The following EXOSC5 variants were observed in gnomAD, a reference collection of about 807,000 sequenced individuals.
EXOSC5 encodes the protein exosome complex component RRP46.
Under a neutral mutation model 23.7 loss-of-function variants are expected in EXOSC5, and 15 were observed. The observed-to-expected ratio is 0.63, with a 90% confidence interval of 0.42 to 0.97. The LOEUF is 0.97. EXOSC5 is among the 50% of genes least tolerant of loss of function. The pLI, the probability that EXOSC5 is intolerant of heterozygous loss-of-function variation, is 0.00. For missense variants in EXOSC5, 305 were observed against 316.3 expected (o/e 0.96, Z 0.27); for synonymous variants, 143 against 140.9 (o/e 1.02, Z -0.11).
At chr19:41,391,148 C>T (rs1266250203) in intron 3 of EXOSC5, among the ~76,000 whole-genome samples, 1 of 152,064 alleles carries the variant, frequency 6.6e-6, no homozygotes, top group African/African-American at 2.4e-5. Flanking sequence ...ACTGATCACT[C>T]GAGGTCAGGA....
At chr19:41,390,934 G>A (rs1450333672) in intron 3 of EXOSC5, among the ~76,000 whole-genome samples, 1 of 152,172 alleles carries the variant, frequency 6.6e-6, no homozygotes, top group Non-Finnish European at 1.5e-5. Flanking sequence ...CTTCTACAGT[G>A]TCTAATTCTA....
rs775976721 is a variant in EXOSC5, at chr19:41,393,007, C to G, written c.149-27G>C. On this transcript the variant is annotated intron_variant, in intron 1 of 5. Transcript: ENST00000221233. ...TGAGGAGACAGCAGGGAGGGCCTCA[C>G]TCACAGCTTCCCTGCTCCTGGGGCC... 1.7e-5 allele frequency: 27 copies of G among 1,601,906 alleles called. No individual in the cohort carries two copies. The Admixed American group carries it at 2.3e-4, about 14-fold the overall frequency.
At chr19:41,397,124 G>C in intron 1 of EXOSC5, 57 bp downstream of exon 1, 1 of 1,560,236 alleles carries the variant, frequency 6.4e-7, no homozygotes, top group South Asian at 1.2e-5. Context: ...GTGGGCACTC[G>C]GTTGCACAGT....
At chr19:41,387,185 T>C (rs546359081) in intron 5 of EXOSC5, among the ~76,000 whole-genome samples, 8 of 152,316 alleles carry the variant, frequency 5.3e-5, no homozygotes, top group South Asian at 2.1e-4. Flanking sequence ...CAGACAGTCA[T>C]GTCCAAGAGT....
At chr19:41,392,769 A>G in intron 2 of EXOSC5, 98 bp downstream of exon 2, 1 of 977,706 alleles carries the variant, frequency 1.0e-6, no homozygotes, top group South Asian at 1.4e-5. Flanking sequence ...TGGAGACCCA[A>G]GCGGGGAGTG....
chr19:41,391,668 G>C (rs2039023239), intron 3 of EXOSC5, 173 bp downstream of exon 3: 1 of 783,968 alleles, frequency 1.3e-6, no homozygotes, highest in Non-Finnish European at 1.9e-6. Context: ...AAGGCACACA[G>C]AACAGTGCCT....
chr19:41,395,048 A>G (rs10853750), intron 1 of EXOSC5, among the ~76,000 whole-genome samples: 67 of 21,834 alleles, frequency 3.1e-3, no homozygotes, highest in African/African-American at 4.3e-3. Flanking sequence ...AAAAAAAAAG[A>G]AAAAAAAAAA....
chr19:41,388,048 C>T (rs755077976), intron 4 of EXOSC5, among the ~76,000 whole-genome samples: 8 of 152,210 alleles, frequency 5.3e-5, no homozygotes, highest in Admixed American at 1.3e-4. Context: ...CATAGCCAGG[C>T]GCTCACCTAT....
chr19:41,386,756 G>A, intron 5 of EXOSC5, 31 bp from the exon 6 acceptor site: 1 of 1,545,684 alleles, frequency 6.5e-7, no homozygotes. Flanking sequence ...GGTGCTGGGG[G>A]CCGAGCCCTT....
intron 3 of EXOSC5, 42 bp from the exon 4 acceptor site, chr19:41,389,947 T>TG: frequency 6.5e-7 from 1 of 1,545,278 alleles, no homozygotes; most frequent in Non-Finnish European, 8.7e-7. Context: ...TTTTTTTTTT[T>TG]TGGAGATGGA....
rs917101351 is a variant in EXOSC5 at position 41,389,818 on chromosome 19, C to T, written c.472G>A (p.Ala158Thr). ...MRALFCGVAC[A>T]LDSDGTLVLD... ...ACGAGGGTCCCATCAGAGTCCAGGG[C>T]GCAGGCGACCCCACAGAAGAGAGCC... The change falls in exon 4 of 6, where the codon GCC becomes ACC. Residue 158 changes from alanine to threonine, a missense_variant. Ala to Thr is a moderately conservative substitution (Grantham distance 58). Transcript: ENST00000221233. 4 of 1,614,140 alleles carry T rather than the reference C, an allele frequency of 2.5e-6. No individual in the cohort carries two copies. The highest frequency in any genetic ancestry group is 2.2e-5 in the East Asian group (1 of 44,864).
At chr19:41,388,682 A>C (rs560505720) in intron 4 of EXOSC5, among the ~76,000 whole-genome samples, 3 of 152,174 alleles carry the variant, frequency 2.0e-5, no homozygotes, top group South Asian at 4.1e-4. Flanking sequence ...AAACCCTCCA[A>C]GTGGTTTCCG....
At chr19:41,389,682 G>A in intron 4 of EXOSC5, 83 bp downstream of exon 4, 1 of 1,536,168 alleles carries the variant, frequency 6.5e-7, no homozygotes, top group Non-Finnish European at 8.8e-7. Context: ...TGAGCCGACT[G>A]TCTGTAGAGA....
intron 1 of EXOSC5, among the ~76,000 whole-genome samples, chr19:41,396,135 A>G (rs1286335347): frequency 1.3e-5 from 2 of 152,006 alleles, no homozygotes; most frequent in African/African-American, 2.4e-5. Flanking sequence ...TCATACCTGT[A>G]TGAGCACTTT....
intron 4 of EXOSC5, 146 bp downstream of exon 4, chr19:41,389,619 T>G: frequency 8.0e-7 from 1 of 1,242,526 alleles, no homozygotes. Flanking sequence ...CACTTGCTGC[T>G]AAATGAACCA....
chr19:41,387,428 C>T, intron 5 of EXOSC5, 86 bp downstream of exon 5: 1 of 1,111,856 alleles, frequency 9.0e-7, no homozygotes, highest in Non-Finnish European at 1.2e-6. Flanking sequence ...CCTGAAGCCT[C>T]TCAGAATCCA....
At chr19:41,393,005 C>A in intron 1 of EXOSC5, 25 bp from the exon 2 acceptor site, 3 of 1,603,586 alleles carry the variant, frequency 1.9e-6, no homozygotes, top group Admixed American at 1.7e-5. Flanking sequence ...GGGAGGGCCT[C>A]ACTCACAGCT....
Position 41,391,844 on chromosome 19 carries a change from G to A in EXOSC5, c.381C>T (p.Gly127=). Residue 127 remains glycine (G), a synonymous_variant, in exon 3 of 6, where the codon GGC becomes GGT. Transcript: ENST00000221233. ...GGAGGCCTGGCAGAAAGGATACAGA[G>A]CCGGCATCGCTGACAACCTGCAGCA... The part of the protein sequence containing the change: ...TVVLQVVSDA[G]SLLACCLNAA... 2.0e-6 allele frequency: 3 copies of A among 1,517,868 alleles called. No individual in the cohort carries two copies. Among genetic ancestry groups the A allele is most frequent in the Non-Finnish European group, 2.6e-6 (3 of 1,141,018 alleles). The allele number at this position is 1,517,868 out of a possible 1,614,324, so 94.0% of individuals were successfully genotyped here. A position where few individuals can be genotyped will look rare whatever the true frequency, so the allele number is the denominator to read the frequency against.
At chr19:41,389,617 G>A (rs560239335) in intron 4 of EXOSC5, 148 bp downstream of exon 4, 1 of 1,229,688 alleles carries the variant, frequency 8.1e-7, no homozygotes, top group African/African-American at 1.6e-5. Flanking sequence ...AGCACTTGCT[G>A]CTAAATGAAC....
Sources: gnomAD v4.1 joint callset for allele counts (sites outside exome capture counted in the v4.1 genomes callset) on GRCh38, gnomAD v4.1.1 for gene constraint, MANE v1.5 for transcripts, NCBI Gene and HGNC (gene_info 2026-07-23, HGNC 2026-07-21) for gene names.